PTPRN2: variants seen among roughly 807,000 people sequenced by gnomAD.
PTPRN2 encodes protein tyrosine phosphatase receptor type N2, also known as receptor-type tyrosine-protein phosphatase N2.
In PTPRN2, 74 loss-of-function variants were observed where a neutral mutation model predicts 118.8. The observed-to-expected ratio is 0.62, with a 90% CI of 0.52 to 0.76. The LOEUF (loss-of-function observed/expected upper bound fraction) is 0.76, where lower values mean the gene tolerates loss of function less well. PTPRN2 is among the 30% of genes least tolerant of loss of function. PTPRN2 has a pLI of 0.00. For missense variants in PTPRN2, 1,481 were observed against 1,394.4 expected, an observed-to-expected ratio of 1.06 and a Z score of -0.99; for synonymous variants, 641 against 608.0, an observed-to-expected ratio of 1.05 and a Z score of -0.80.
intron 2 of PTPRN2, among the ~76,000 whole-genome samples, chr7:158,437,170 A>C (rs1348990377): frequency 6.6e-6 from 1 of 152,044 alleles, no homozygotes; most frequent in Non-Finnish European, 1.5e-5. Flanking sequence ...ACTCTGCCTC[A>C]TTATTTCCCA....
At chr7:158,044,230 C>A (rs1808677131) in intron 11 of PTPRN2, among the ~76,000 whole-genome samples, 1 of 152,168 alleles carries the variant, frequency 6.6e-6, no homozygotes, top group Admixed American at 6.5e-5. Flanking sequence ...GGCACAGAGG[C>A]AGGAGGGGGA....
intron 2 of PTPRN2, among the ~76,000 whole-genome samples, chr7:158,435,277 A>T (rs1252672237): frequency 6.6e-6 from 1 of 152,240 alleles, no homozygotes; most frequent in African/African-American, 2.4e-5. Context: ...CTGATTTTTT[A>T]AACGGGCAAA....
intron 3 of PTPRN2, among the ~76,000 whole-genome samples, chr7:158,306,791 T>C (rs182476286): frequency 4.4e-4 from 66 of 151,674 alleles, no homozygotes; most frequent in African/African-American, 1.5e-3. Flanking sequence ...AGGAAAACAA[T>C]AGAAGCTGTT....
intron 6 of PTPRN2, among the ~76,000 whole-genome samples, chr7:158,151,614 G>C (rs1437156896): frequency 6.6e-6 from 1 of 152,132 alleles, no homozygotes; most frequent in Non-Finnish European, 1.5e-5. Context: ...TCCCCTTCAG[G>C]GACAGATGAG....
At chr7:158,309,948 C>T (rs1801572319) in intron 3 of PTPRN2, among the ~76,000 whole-genome samples, 1 of 152,102 alleles carries the variant, frequency 6.6e-6, no homozygotes, top group African/African-American at 2.4e-5. Context: ...GAAAGAGATC[C>T]CAGAGCGCTC....
At chr7:157,745,134 G>C (rs2150969137) in intron 12 of PTPRN2, among the ~76,000 whole-genome samples, 1 of 152,270 alleles carries the variant, frequency 6.6e-6, no homozygotes, top group African/African-American at 2.4e-5. Flanking sequence ...CTCCAGGAGT[G>C]GCCACCCCAG....
chr7:157,697,749 G>T (rs35226787), intron 12 of PTPRN2, among the ~76,000 whole-genome samples: 2 of 58,180 alleles, frequency 3.4e-5, no homozygotes, highest in African/African-American at 7.5e-5. Flanking sequence ...AGCCCTCACC[G>T]TCTACCCATG....
rs1322779447 is a variant in PTPRN2 at position 157,615,699 on chromosome 7, G to A, written c.2344+5663C>T. On this transcript the variant is annotated intron_variant, in intron 15 of 22. Coordinates refer to ENST00000389418, the MANE Select transcript of PTPRN2 (RefSeq NM_002847.5). This position sits in a 1 kb window ranked among gnomAD's most constrained non-coding sequence, Gnocchi z 4.3. Reference sequence around the variant, plus strand: ...GTTTATAAAACGAGCAGATGGTGCCGAGCTGAGAGGGAGGTGACGCAGTGA... The same window carrying A: ...GTTTATAAAACGAGCAGATGGTGCCAAGCTGAGAGGGAGGTGACGCAGTGA... 1.1e-5 allele frequency: 5 copies of A among 437,432 alleles called. No individual in the cohort carries two copies. The highest frequency in any genetic ancestry group is 7.2e-5 in the East Asian group (1 of 13,986). 27.1% of individuals were successfully genotyped at this position (437,432 alleles called of 1,614,324 possible). A position where few individuals can be genotyped will look rare whatever the true frequency, so the allele number is the denominator to read the frequency against.
chr7:158,369,522 G>A (rs561168251), intron 2 of PTPRN2, among the ~76,000 whole-genome samples: 80 of 152,202 alleles, frequency 5.3e-4, no homozygotes, highest in African/African-American at 1.2e-3. Context: ...TGCCTGAACC[G>A]AGAGGAAACG....
At chr7:157,772,362 C>T (rs1347444184) in intron 12 of PTPRN2, among the ~76,000 whole-genome samples, 1 of 151,942 alleles carries the variant, frequency 6.6e-6, no homozygotes, top group Non-Finnish European at 1.5e-5. Context: ...CACACATACA[C>T]ACAGACACAG....
At chr7:158,248,950 A>G (rs960347366) in intron 3 of PTPRN2, among the ~76,000 whole-genome samples, 1 of 150,216 alleles carries the variant, frequency 6.7e-6, no homozygotes, top group African/African-American at 2.5e-5. Flanking sequence ...ATGCACCCAC[A>G]TCACATACAT....
chr7:158,413,932 G>A (rs559548631), intron 2 of PTPRN2, among the ~76,000 whole-genome samples: 1 of 152,296 alleles, frequency 6.6e-6, no homozygotes, highest in Non-Finnish European at 1.5e-5. Flanking sequence ...CTGAGGTCAG[G>A]AGTTCGAGAC....
At chr7:158,274,809 C>T (rs942693450) in intron 3 of PTPRN2, among the ~76,000 whole-genome samples, 2 of 152,178 alleles carry the variant, frequency 1.3e-5, no homozygotes, top group Non-Finnish European at 2.9e-5. Flanking sequence ...TGGAGGAGAA[C>T]GTGGTTGCAT....
rs544182501 is a variant in PTPRN2, at chr7:157,966,306, C to T, written c.1724-67569G>A. 4.6e-5 allele frequency among the ~76,000 whole-genome samples: 7 copies of T among 152,144 alleles called. No individual in the cohort carries two copies. The East Asian group carries it at 1.2e-3, about 25-fold the overall frequency. On this transcript the variant is annotated intron_variant, in intron 11 of 22. Transcript: ENST00000389418. ...CTCCTTCATGTCATCACCATCACCA[C>T]CATCATCTTCATTACCACCATCATC...
chr7:158,049,298 C>T (rs1451439308), intron 11 of PTPRN2, among the ~76,000 whole-genome samples: 2 of 152,152 alleles, frequency 1.3e-5, no homozygotes, highest in African/African-American at 2.4e-5. Context: ...CCATCATTCC[C>T]CCAGCCATCT....
At chr7:158,196,898 G>A (rs1339678175) in intron 4 of PTPRN2, among the ~76,000 whole-genome samples, 3 of 152,132 alleles carry the variant, frequency 2.0e-5, no homozygotes, top group Admixed American at 6.5e-5. Context: ...TTAGAAATAC[G>A]ACACTGAAGG....
intron 5 of PTPRN2, among the ~76,000 whole-genome samples, chr7:158,185,872 C>T (rs1002420589): frequency 1.3e-5 from 2 of 152,130 alleles, no homozygotes; most frequent in East Asian, 1.9e-4. Context: ...TTCTCTTCCC[C>T]GTCGGTCCCA....
Position 158,458,008 on chromosome 7 carries a change from G to A in PTPRN2, c.163+31727C>T, listed in dbSNP as rs570763950. Among the ~76,000 whole-genome samples the A allele has an allele frequency of 8.5e-5, 13 of 152,316 alleles. No individual in the cohort carries two copies. In the South Asian group the frequency reaches 1.7e-3, roughly 19 times the overall value. On this transcript the variant is annotated intron_variant, in intron 2 of 22. Transcript: ENST00000389418. ...TTTTAGAAATTGGGAGTGAGAAGACGTGGTTGAAAACTGAGGTGAAAGCTC... is the reference window on the plus strand; with the variant it reads ...TTTTAGAAATTGGGAGTGAGAAGACATGGTTGAAAACTGAGGTGAAAGCTC...
In PTPRN2 at chr7:158,188,258, G is replaced by A. The variant is rs1451969612; in HGVS notation, c.549+4069C>T. Among the ~76,000 whole-genome samples the A allele has an allele frequency of 5.1e-4, 38 of 74,258 alleles. 2 individuals are homozygous for A. The highest frequency in any genetic ancestry group is 1.5e-3 in the African/African-American group (28 of 18,978). 48.7% of individuals were successfully genotyped at this position (74,258 alleles called of 152,430 possible). On this transcript the variant is annotated intron_variant, in intron 5 of 22. Transcript: ENST00000389418. ...CGCTTGCCCCGCGATGGGGAAGGCC[G>A]CCACGCTCGCCCCCTGTATGGGGAA...
Sources: allele counts gnomAD v4.1 joint callset (sites outside exome capture counted in the v4.1 genomes callset), GRCh38; gene constraint gnomAD v4.1.1; non-coding constraint Gnocchi (gnomAD v3.1); transcripts MANE v1.5; gene names NCBI Gene and HGNC (gene_info 2026-07-23, HGNC 2026-07-21).